The following INTS7 variants were observed in gnomAD, a reference collection of about 807,000 sequenced individuals.
INTS7 encodes the protein chromosome 1 open reading frame 73.
A neutral mutation model predicts 109.2 loss-of-function variants in INTS7; 46 were observed. The observed-to-expected ratio is 0.42, with a 90% CI of 0.33 to 0.54. The LOEUF (loss-of-function observed/expected upper bound fraction) is 0.54. Ranked by LOEUF, INTS7 falls within the 20% of genes least tolerant of loss-of-function variation. The pLI, the probability that INTS7 is intolerant of heterozygous loss-of-function variation, is 0.07. For missense variants in INTS7, 929 were observed against 1,132.4 expected (o/e 0.82, Z 2.58); for synonymous variants, 412 against 402.9 (o/e 1.02, Z -0.27).
intron 1 of INTS7, among the ~76,000 whole-genome samples, chr1:212,034,516 T>C (rs1667330574): frequency 1.3e-5 from 2 of 152,174 alleles, no homozygotes; most frequent in Non-Finnish European, 2.9e-5. Flanking sequence ...TCCCGTACAA[T>C]AAAAATCCTC....
intron 19 of INTS7, among the ~76,000 whole-genome samples, chr1:211,943,395 TG>T (rs1264979596): frequency 1.3e-5 from 2 of 152,092 alleles, no homozygotes; most frequent in African/African-American, 2.4e-5. Flanking sequence ...AAGAGAATCA[TG>T]GTTACTACTG....
intron 9 of INTS7, 140 bp from the exon 10 acceptor site, chr1:211,981,330 C>G (rs1484817022): frequency 2.0e-6 from 1 of 499,258 alleles, no homozygotes; most frequent in Non-Finnish European, 3.6e-6. Context: ...TGAACCTAAC[C>G]TTCCTTGAAA....
In INTS7 at chr1:211,942,133, C is replaced by T. The variant is rs765014495; in HGVS notation, c.2602-22G>A. ...GTATCTGCAATGAAACAATTGTTAACTAACAACAATGGCTAACATTTCTTC... is the reference window on the plus strand; with the variant it reads ...GTATCTGCAATGAAACAATTGTTAATTAACAACAATGGCTAACATTTCTTC... On this transcript the variant is annotated intron_variant, in intron 19 of 19. Coordinates refer to ENST00000366994, the MANE Select transcript of INTS7 (RefSeq NM_015434.4). The surrounding 1 kb of genome is among the most constrained non-coding windows in gnomAD (Gnocchi z 4.2). 6 of 1,607,376 alleles carry T rather than the reference C, an allele frequency of 3.7e-6. No individual in the cohort carries two copies. The South Asian group carries it at 6.7e-5, about 18-fold the overall frequency.
intron 14 of INTS7, 103 bp downstream of exon 14, chr1:211,968,410 T>G: frequency 2.2e-6 from 2 of 929,304 alleles, no homozygotes; most frequent in Admixed American, 2.6e-5. Context: ...TTTATGATAA[T>G]GTCTGAGTCA....
intron 7 of INTS7, among the ~76,000 whole-genome samples, chr1:212,004,120 G>C (rs936997629): frequency 6.6e-6 from 1 of 152,182 alleles, no homozygotes; most frequent in African/African-American, 2.4e-5. Context: ...TGAGGCAGGT[G>C]GATTGCTTGA....
chr1:212,014,914 C>G (rs1355708855), intron 4 of INTS7, among the ~76,000 whole-genome samples: 1 of 152,362 alleles, frequency 6.6e-6, no homozygotes, highest in Non-Finnish European at 1.5e-5. Flanking sequence ...TCCCAGCCGC[C>G]TGCCTTGGCC....
Position 211,941,709 on chromosome 1 carries a change from A to G in INTS7, c.*115T>C, listed in dbSNP as rs1662637386. The stretch of plus-strand genomic sequence containing the variant: ...TTTTCCAGAATATTACATTACAAAA[A>G]TCAATGAATAAATGAACTACACTGT... On this transcript the variant is annotated 3_prime_UTR_variant, in exon 20 of 20. Coordinates refer to ENST00000366994, the MANE Select transcript of INTS7 (RefSeq NM_015434.4). 6.9e-7 allele frequency: 1 copy of G among 1,443,802 alleles called. No individual in the cohort carries two copies. Among genetic ancestry groups the G allele is most frequent in the African/African-American group, 1.4e-5 (1 of 70,022 alleles). The allele number at this position is 1,443,802 out of a possible 1,614,324, so 89.4% of individuals were successfully genotyped here.
intron 7 of INTS7, among the ~76,000 whole-genome samples, chr1:212,002,257 T>A (rs1665705729): frequency 6.6e-6 from 1 of 152,218 alleles, no homozygotes; most frequent in African/African-American, 2.4e-5. Flanking sequence ...TTGGTTCAGG[T>A]AACCACATAT....
intron 4 of INTS7, among the ~76,000 whole-genome samples, chr1:212,011,910 G>T (rs911964940): frequency 1.2e-4 from 18 of 152,228 alleles, no homozygotes; most frequent in Admixed American, 3.9e-4. Context: ...CAGGTTTTTT[G>T]TGTGTAATAA....
chr1:212,026,007 A>G (rs1316115221), intron 1 of INTS7, among the ~76,000 whole-genome samples: 1 of 152,058 alleles, frequency 6.6e-6, no homozygotes, highest in Non-Finnish European at 1.5e-5. Context: ...AAATTAGCCC[A>G]GCGTGATGGC....
rs576248011 is a variant in INTS7, at chr1:211,994,451, G to GT, written c.880-6449dup. On this transcript the variant is annotated intron_variant, in intron 7 of 19. Coordinates refer to ENST00000366994, the MANE Select transcript of INTS7 (RefSeq NM_015434.4). ...TTTTTTTTTTTTTTTGAGATGGAGT[G>GT]TTGCTTTTGTCACCCAGGCTGGAGT... Among the ~76,000 whole-genome samples, 516 of 143,026 alleles carry GT rather than the reference G, an allele frequency of 3.6e-3. 3 individuals are homozygous for GT. The highest frequency in any genetic ancestry group is 0.013 in the African/African-American group (501 of 38,508). 93.8% of individuals were successfully genotyped at this position (143,026 alleles called of 152,430 possible). A position where few individuals can be genotyped will look rare whatever the true frequency, so the allele number is the denominator to read the frequency against.
chr1:212,007,253 C>T lies in INTS7; in HGVS notation c.753G>A (p.Lys251=), dbSNP rs1484829722. 2 of 1,610,356 alleles carry T rather than the reference C, an allele frequency of 1.2e-6. No homozygotes were observed. Among genetic ancestry groups the T allele is most frequent in the Non-Finnish European group, 1.7e-6 (2 of 1,177,002 alleles). Residue 251 remains lysine, a synonymous_variant, in exon 6 of 20, where the codon AAG becomes AAA. Coordinates refer to ENST00000366994, the MANE Select transcript of INTS7 (RefSeq NM_015434.4). ...GTTTAAAGAAAATTGAAATTACCTG[C>T]TTAGGTGTATCAACCAAAGATGACG... ...LAASSLVDTP[K]QIQLLLQYLK...
intron 4 of INTS7, among the ~76,000 whole-genome samples, chr1:212,014,377 A>G (rs1261292428): frequency 6.8e-6 from 1 of 147,190 alleles, no homozygotes; most frequent in Non-Finnish European, 1.5e-5. Flanking sequence ...AGGCAGAAGA[A>G]TCACTTGAAC....
chr1:211,997,902 C>T (rs1038930886), intron 7 of INTS7, among the ~76,000 whole-genome samples: 2 of 150,984 alleles, frequency 1.3e-5, no homozygotes, highest in Non-Finnish European at 3.0e-5. Flanking sequence ...AACCACAATA[C>T]TATTAAGATG....
Position 211,957,996 on chromosome 1 carries a change from A to G in INTS7, c.2184-5295T>C, listed in dbSNP as rs527496518. On this transcript the variant is annotated intron_variant, in intron 16 of 19. Transcript: ENST00000366994. ...ATATCCCCCCGTTGTCTTATTTCATATATTTTACTTCTATATGTTAAAAAC... is the reference window on the plus strand; with the variant it reads ...ATATCCCCCCGTTGTCTTATTTCATGTATTTTACTTCTATATGTTAAAAAC... Among the ~76,000 whole-genome samples, 10 of 151,896 alleles carry G rather than the reference A, an allele frequency of 6.6e-5. No homozygotes were observed. The East Asian group carries it at 1.9e-3, about 29-fold the overall frequency.
intron 17 of INTS7, among the ~76,000 whole-genome samples, chr1:211,950,310 C>T (rs984002716): frequency 6.6e-6 from 1 of 152,194 alleles, no homozygotes; most frequent in Non-Finnish European, 1.5e-5. Flanking sequence ...TCACTCTTGT[C>T]ACCCAGGCTG....
intron 1 of INTS7, among the ~76,000 whole-genome samples, chr1:212,035,094 G>C (rs1198302591): frequency 6.6e-6 from 1 of 152,206 alleles, no homozygotes; most frequent in Admixed American, 6.5e-5. Flanking sequence ...GCTCCCTCAA[G>C]TGGTCAAAAC....
At chr1:212,018,481 T>A (rs1482806580) in intron 3 of INTS7, among the ~76,000 whole-genome samples, 1 of 140,640 alleles carries the variant, frequency 7.1e-6, no homozygotes, top group Non-Finnish European at 1.5e-5. Context: ...TTAAATTCTA[T>A]TCTTTTCTAT....
intron 1 of INTS7, 34 bp from the exon 2 acceptor site, chr1:212,021,246 C>T (rs775836878): frequency 3.8e-6 from 6 of 1,569,078 alleles, no homozygotes. Context: ...GAGGGAAGAA[C>T]AGTTTGCATA....
Sources: allele counts gnomAD v4.1 joint callset (sites outside exome capture counted in the v4.1 genomes callset), GRCh38; gene constraint gnomAD v4.1.1; non-coding constraint Gnocchi (gnomAD v3.1); transcripts MANE v1.5; gene names NCBI Gene and HGNC (gene_info 2026-07-23, HGNC 2026-07-21).